SAMMSON: variants seen among roughly 807,000 people sequenced by gnomAD.
SAMMSON encodes survival associated mitochondrial melanoma specific oncogenic non-coding RNA, also known as long intergenic non-protein coding RNA 1212.
chr3:70,327,580 C>A (rs556097679), intron 7 of SAMMSON, among the ~76,000 whole-genome samples: 1 of 152,080 alleles, frequency 6.6e-6, no homozygotes, highest in African/African-American at 2.4e-5. Context: ...TGGCTCAATC[C>A]GTCCAAGTGA....
intron 4 of SAMMSON, among the ~76,000 whole-genome samples, chr3:70,223,051 A>T (rs1456179636): frequency 6.6e-6 from 1 of 152,142 alleles, no homozygotes; most frequent in African/African-American, 2.4e-5. Context: ...CAAATTTCAG[A>T]TACATTATAT....
intron 4 of SAMMSON, among the ~76,000 whole-genome samples, chr3:70,101,389 A>T (rs1481646660): frequency 1.3e-5 from 2 of 151,180 alleles, no homozygotes; most frequent in African/African-American, 2.5e-5. Flanking sequence ...TATTGGGGAC[A>T]TTTTTTATGA....
At chr3:70,391,734 C>A (rs1351987656), downstream of SAMMSON, among the ~76,000 whole-genome samples, 2 of 152,030 alleles carry the variant, frequency 1.3e-5, no homozygotes, top group East Asian at 3.9e-4. Context: ...TGGTGTTAAA[C>A]AAAATGCATC....
chr3:70,040,331 T>C (rs1183176788), intron 3 of SAMMSON, among the ~76,000 whole-genome samples: 1 of 152,126 alleles, frequency 6.6e-6, no homozygotes, highest in East Asian at 1.9e-4. Flanking sequence ...TTTTCTGAAG[T>C]AGATATTCAA....
chr3:70,233,217 A>C (rs1701577898), intron 4 of SAMMSON, among the ~76,000 whole-genome samples: 1 of 152,152 alleles, frequency 6.6e-6, no homozygotes, highest in Non-Finnish European at 1.5e-5. Context: ...CCAAAACCCT[A>C]GTGTAGGAAA....
At chr3:70,359,114 T>C (rs1327762237) in intron 9 of SAMMSON, among the ~76,000 whole-genome samples, 15 of 151,148 alleles carry the variant, frequency 9.9e-5, no homozygotes. Context: ...TCAGAAAACA[T>C]CATCATCAAT....
At chr3:70,348,462 C>G (rs1334852827) in intron 7 of SAMMSON, among the ~76,000 whole-genome samples, 8 of 152,126 alleles carry the variant, frequency 5.3e-5, no homozygotes, top group Non-Finnish European at 1.2e-4. Flanking sequence ...TGTCTTCACA[C>G]CGCATCCTTA....
chr3:70,372,075 G>A (rs372391389), intron 9 of SAMMSON, among the ~76,000 whole-genome samples: 2 of 152,018 alleles, frequency 1.3e-5, no homozygotes, highest in South Asian at 4.1e-4. Context: ...TGCTTTTTAT[G>A]TGTCTATTGA....
At chr3:70,053,104 C>T (rs1260828932) in intron 3 of SAMMSON, among the ~76,000 whole-genome samples, 1 of 152,140 alleles carries the variant, frequency 6.6e-6, no homozygotes, top group Non-Finnish European at 1.5e-5. Flanking sequence ...TTGCAGTTCC[C>T]TTCACATATG....
chr3:70,174,258 T>C (rs1432428173), intron 4 of SAMMSON, among the ~76,000 whole-genome samples: 7 of 152,026 alleles, frequency 4.6e-5, no homozygotes, highest in African/African-American at 1.7e-4. Flanking sequence ...CAAAAATTGT[T>C]TGTACTAGGA....
intron 4 of SAMMSON, among the ~76,000 whole-genome samples, chr3:70,165,662 A>T (rs2067633907): frequency 6.6e-6 from 1 of 152,020 alleles, no homozygotes; most frequent in African/African-American, 2.4e-5. Context: ...CGAAAAGCTC[A>T]TTCCTGAACA....
At chr3:70,249,197 G>T (rs577240557) in intron 5 of SAMMSON, 1 of 152,242 alleles carries the variant, frequency 6.6e-6, no homozygotes, top group South Asian at 2.1e-4. Flanking sequence ...TGATCTAGAG[G>T]TATGAAGTGA....
intron 7 of SAMMSON, among the ~76,000 whole-genome samples, chr3:70,321,137 A>G (rs1702535768): frequency 6.6e-6 from 1 of 152,058 alleles, no homozygotes; most frequent in Non-Finnish European, 1.5e-5. Context: ...AAATGACACA[A>G]GGCATATGCT....
chr3:70,082,337 A>C (rs1416610561), intron 4 of SAMMSON, among the ~76,000 whole-genome samples: 1 of 152,182 alleles, frequency 6.6e-6, no homozygotes, highest in Non-Finnish European at 1.5e-5. Flanking sequence ...ATAAAAGTCC[A>C]ATGTCTTTAA....
At chr3:70,193,596 G>A (rs932860000) in intron 4 of SAMMSON, among the ~76,000 whole-genome samples, 5 of 152,076 alleles carry the variant, frequency 3.3e-5, no homozygotes, top group African/African-American at 1.2e-4. Context: ...CTCACCTGAC[G>A]ATACATGTGG....
At chr3:70,099,285 T>C (rs769169220) in intron 4 of SAMMSON, among the ~76,000 whole-genome samples, 2 of 152,168 alleles carry the variant, frequency 1.3e-5, no homozygotes, top group Non-Finnish European at 2.9e-5. Flanking sequence ...TTATTGACCA[T>C]TGCCACATAG....
chr3:70,355,983 A>G (rs933788021), intron 8 of SAMMSON, among the ~76,000 whole-genome samples: 3 of 152,186 alleles, frequency 2.0e-5, no homozygotes, highest in African/African-American at 7.2e-5. Context: ...AAAGACATAC[A>G]TTTGTCATAA....
intron 2 of SAMMSON, among the ~76,000 whole-genome samples, chr3:70,406,182 A>G (rs1471586495): frequency 1.3e-5 from 2 of 152,224 alleles, no homozygotes; most frequent in African/African-American, 4.8e-5. Context: ...TTTATTTGTC[A>G]TTTAAAATAA....
intron 7 of SAMMSON, among the ~76,000 whole-genome samples, chr3:70,353,502 A>G (rs1702808913): frequency 6.6e-6 from 1 of 152,116 alleles, no homozygotes; most frequent in African/African-American, 2.4e-5. Flanking sequence ...GTGAAATACC[A>G]ATTAAAACCA....
Sources: allele counts gnomAD v4.1 joint callset (sites outside exome capture counted in the v4.1 genomes callset), GRCh38; gene constraint gnomAD v4.1.1; transcripts MANE v1.5; gene names NCBI Gene and HGNC (gene_info 2026-07-23, HGNC 2026-07-21).